The following NEDD4L variants were observed in gnomAD, a reference collection of about 807,000 sequenced individuals.
NEDD4L encodes the protein E3 ubiquitin-protein ligase NEDD4-like.
A neutral mutation model predicts 148.9 loss-of-function variants in NEDD4L; 54 were observed. The ratio of observed to expected loss-of-function variants is 0.36; its 90% CI spans 0.29 to 0.45. NEDD4L has a LOEUF of 0.45. Ranked by LOEUF, NEDD4L falls within the 20% of genes least tolerant of loss-of-function variation. NEDD4L has a pLI of 1.00. For missense variants in NEDD4L, 856 were observed against 1,233.8 expected, an observed-to-expected ratio of 0.69 and a Z score of 4.59; for synonymous variants, 433 against 440.7, an observed-to-expected ratio of 0.98 and a Z score of 0.22.
intron 11 of NEDD4L, among the ~76,000 whole-genome samples, chr18:58,332,837 A>C (rs991910261): frequency 1.3e-5 from 2 of 152,184 alleles, no homozygotes; most frequent in Non-Finnish European, 2.9e-5. Context: ...GCTAATCTTC[A>C]TTCATATCAA....
intron 6 of NEDD4L, among the ~76,000 whole-genome samples, chr18:58,318,661 T>A (rs1180911183): frequency 6.6e-6 from 1 of 152,270 alleles, no homozygotes; most frequent in African/African-American, 2.4e-5. Context: ...TGCATCGTTG[T>A]CTAAAAATTC....
intron 1 of NEDD4L, among the ~76,000 whole-genome samples, chr18:58,095,047 T>A (rs571864665): frequency 6.6e-6 from 1 of 152,188 alleles, no homozygotes; most frequent in East Asian, 1.9e-4. Flanking sequence ...TGGATGCCTA[T>A]TGATTGTGTA....
At chr18:58,296,057 A>C (rs946492020) in intron 5 of NEDD4L, among the ~76,000 whole-genome samples, 1 of 152,106 alleles carries the variant, frequency 6.6e-6, no homozygotes, top group African/African-American at 2.4e-5. Context: ...GTGCCCCCAG[A>C]CCGGAGTCAT....
At chr18:58,206,250 A>G (rs1293052656) in intron 2 of NEDD4L, among the ~76,000 whole-genome samples, 6 of 152,092 alleles carry the variant, frequency 3.9e-5, no homozygotes, top group Admixed American at 3.9e-4. Context: ...TTAGCCAGGC[A>G]TGGTGGTATA....
intron 2 of NEDD4L, among the ~76,000 whole-genome samples, chr18:58,185,281 A>C (rs1261806897): frequency 2.0e-5 from 3 of 152,202 alleles, no homozygotes; most frequent in Non-Finnish European, 4.4e-5. Context: ...TAGCACCATT[A>C]GTAGAAACAG....
At chr18:58,091,979 A>G (rs4941312) in intron 1 of NEDD4L, among the ~76,000 whole-genome samples, 1 of 152,260 alleles carries the variant, frequency 6.6e-6, no homozygotes, top group African/African-American at 2.4e-5. Context: ...TTTGTAAGGG[A>G]TGTCACATTG....
chr18:58,165,935 C>A, intron 2 of NEDD4L, 74 bp downstream of exon 2: 1 of 1,219,070 alleles, frequency 8.2e-7, no homozygotes, highest in Non-Finnish European at 1.2e-6. Flanking sequence ...AGGCACGCAT[C>A]AGAATCACCT....
intron 5 of NEDD4L, among the ~76,000 whole-genome samples, chr18:58,280,671 T>G (rs560279897): frequency 6.6e-6 from 1 of 152,220 alleles, no homozygotes; most frequent in South Asian, 2.1e-4. Flanking sequence ...GGAAGCAGTA[T>G]TGTGGGGAAT....
At position 58,108,585 on chromosome 18, in the gene NEDD4L, T is replaced by C. The variant is rs186778511; in HGVS notation, c.49-57203T>C. ...TTAGGCATCCGCCACCACGCCCAGC[T>C]AATTTTTGTATTTTTAGTAGAGACA... On this transcript the variant is annotated intron_variant, in intron 1 of 30. Transcript: ENST00000400345. 3.3e-3 allele frequency among the ~76,000 whole-genome samples: 505 copies of C among 152,294 alleles called. 5 individuals carry two copies. Among genetic ancestry groups the C allele is most frequent in the African/African-American group, 0.011 (460 of 41,562 alleles).
At chr18:58,392,552 C>A (rs930806791) in intron 30 of NEDD4L, among the ~76,000 whole-genome samples, 2 of 150,840 alleles carry the variant, frequency 1.3e-5, no homozygotes, top group Non-Finnish European at 3.0e-5. Flanking sequence ...TTTTTCTATT[C>A]GTACCATTCA....
chr18:58,380,202 A>C (rs934820679), intron 24 of NEDD4L, among the ~76,000 whole-genome samples: 4 of 151,346 alleles, frequency 2.6e-5, no homozygotes, highest in Non-Finnish European at 5.9e-5. Flanking sequence ...TAAAATTTTT[A>C]TTTACATTTT....
intron 5 of NEDD4L, among the ~76,000 whole-genome samples, chr18:58,290,702 C>G (rs1425136932): frequency 2.6e-5 from 4 of 151,168 alleles, no homozygotes; most frequent in Non-Finnish European, 5.9e-5. Context: ...TATTGCTGGA[C>G]TGTGGACCAA....
At chr18:58,090,561 C>T (rs960656277) in intron 1 of NEDD4L, among the ~76,000 whole-genome samples, 15 of 152,216 alleles carry the variant, frequency 9.9e-5, no homozygotes, top group Non-Finnish European at 1.6e-4. Flanking sequence ...TCACTGCAAC[C>T]TTCACCTCCT....
At chr18:58,106,978 TA>T (rs1196393318) in intron 1 of NEDD4L, among the ~76,000 whole-genome samples, 5 of 152,206 alleles carry the variant, frequency 3.3e-5, no homozygotes, top group Non-Finnish European at 7.4e-5. Context: ...GACATTTATT[TA>T]TTTTTTTAAT....
intron 1 of NEDD4L, among the ~76,000 whole-genome samples, chr18:58,071,923 C>T (rs185155046): frequency 3.9e-5 from 6 of 152,292 alleles, no homozygotes; most frequent in Admixed American, 2.0e-4. Context: ...GTTATCTCCA[C>T]CTTATCCTGC....
chr18:58,159,699 C>T (rs927392574), intron 1 of NEDD4L, among the ~76,000 whole-genome samples: 1 of 152,146 alleles, frequency 6.6e-6, no homozygotes, highest in Admixed American at 6.5e-5. Context: ...TTTAAAGCAA[C>T]TAAAGTTAAG....
chr18:58,306,399 A>G lies in NEDD4L; in HGVS notation c.298-9583A>G, dbSNP rs150454472. On this transcript the variant is annotated intron_variant, in intron 5 of 30. Transcript: ENST00000400345. ...TTTTATATTAAAATATAGATGAGGAAGGAAGGGCACATGGCAAGATTTGGC... is the reference window on the plus strand; with the variant it reads ...TTTTATATTAAAATATAGATGAGGAGGGAAGGGCACATGGCAAGATTTGGC... Among the ~76,000 whole-genome samples, 73 of 152,294 alleles carry G rather than the reference A, an allele frequency of 4.8e-4. No homozygotes were observed. The East Asian group carries it at 5.4e-3, about 11-fold the overall frequency.
At chr18:58,259,778 G>A (rs2049106389) in intron 5 of NEDD4L, among the ~76,000 whole-genome samples, 1 of 152,212 alleles carries the variant, frequency 6.6e-6, no homozygotes, top group African/African-American at 2.4e-5. Context: ...TATTGGAGAA[G>A]AGAGCGTTCT....
intron 1 of NEDD4L, among the ~76,000 whole-genome samples, chr18:58,088,372 GA>G (rs951261475): frequency 6.6e-6 from 1 of 152,184 alleles, no homozygotes; most frequent in African/African-American, 2.4e-5. Context: ...AAGAAATTCA[GA>G]TACACCTCAG....
Sources: gnomAD v4.1 joint callset for allele counts (sites outside exome capture counted in the v4.1 genomes callset) on GRCh38, gnomAD v4.1.1 for gene constraint, MANE v1.5 for transcripts, NCBI Gene and HGNC (gene_info 2026-07-23, HGNC 2026-07-21) for gene names.